RNF182: variants seen among roughly 807,000 people sequenced by gnomAD.
The protein encoded by RNF182 is E3 ubiquitin-protein ligase RNF182.
A neutral mutation model predicts 14.4 loss-of-function variants in RNF182; 15 were observed. The ratio of observed to expected loss-of-function variants is 1.04; its 90% CI spans 0.70 to 1.60. RNF182 has a LOEUF of 1.60. RNF182 is among the 40% of genes most tolerant of loss of function. The pLI, the probability that RNF182 is intolerant of heterozygous loss-of-function variation, is 0.00. For synonymous variants in RNF182, 128 were observed against 122.9 expected (o/e 1.04, Z -0.27); for missense variants, 268 against 294.8 (o/e 0.91, Z 0.67).
intron 1 of RNF182, among the ~76,000 whole-genome samples, chr6:13,928,111 C>G (rs1452439715): frequency 6.6e-6 from 1 of 152,146 alleles, no homozygotes; most frequent in Non-Finnish European, 1.5e-5. Flanking sequence ...ACGTGTGTTT[C>G]ATTTTTCATG....
At chr6:13,972,844 GA>G (rs1362499167) in intron 1 of RNF182, among the ~76,000 whole-genome samples, 1 of 152,208 alleles carries the variant, frequency 6.6e-6, no homozygotes, top group African/African-American at 2.4e-5. Flanking sequence ...GTGTGGAAGG[GA>G]AATGTGGGGT....
At chr6:13,956,111 A>G (rs1222223832) in intron 1 of RNF182, among the ~76,000 whole-genome samples, 1 of 152,158 alleles carries the variant, frequency 6.6e-6, no homozygotes, top group Admixed American at 6.5e-5. Flanking sequence ...ATTGCTGCAG[A>G]TGACAAGATT....
chr6:13,962,691 C>G (rs184343433), intron 1 of RNF182, among the ~76,000 whole-genome samples: 14 of 152,196 alleles, frequency 9.2e-5, no homozygotes, highest in Middle Eastern at 6.8e-3. Flanking sequence ...GTGTTTACAA[C>G]ATTTATTTTC....
At chr6:13,945,490 G>T (rs1055284678) in intron 1 of RNF182, among the ~76,000 whole-genome samples, 1 of 152,130 alleles carries the variant, frequency 6.6e-6, no homozygotes, top group African/African-American at 2.4e-5. Flanking sequence ...AAACACTTCT[G>T]TCTGAAGTGT....
chr6:13,952,215 A>G (rs1314813513), intron 1 of RNF182, among the ~76,000 whole-genome samples: 2 of 152,170 alleles, frequency 1.3e-5, no homozygotes, highest in African/African-American at 4.8e-5. Context: ...GCAACACTGA[A>G]TCAAAAGTCT....
In RNF182 at chr6:13,977,625, C is replaced by T. The variant is rs1760371085; in HGVS notation, c.506C>T (p.Thr169Ile). The T allele has an allele frequency of 2.5e-6, 4 of 1,614,182 alleles. No homozygotes were observed. The South Asian group carries it at 4.4e-5, about 18-fold the overall frequency. The change falls in exon 3 of 3, where the codon ACT becomes ATT. Residue 169 changes from threonine to isoleucine, a missense_variant. Physicochemically the swap from Thr to Ile is moderately conservative, Grantham distance 89 (BLOSUM62 -1). Transcript: ENST00000488300. ...DSVTTVSHNW[T>I]VWNCTSLLFQ... ...GTCACCACTGTGTCACACAACTGGA[C>T]TGTGTGGAACTGCACGTCCCTGCTG...
At chr6:13,942,562 A>C (rs1759325420) in intron 1 of RNF182, among the ~76,000 whole-genome samples, 1 of 152,088 alleles carries the variant, frequency 6.6e-6, no homozygotes. Context: ...GACTGATCTC[A>C]AACTCCTGTC....
intron 1 of RNF182, among the ~76,000 whole-genome samples, chr6:13,951,894 A>G (rs2113615349): frequency 6.6e-6 from 1 of 152,364 alleles, no homozygotes; most frequent in Non-Finnish European, 1.5e-5. Context: ...AGCAAAATAC[A>G]CATGACAAAC....
rs572964120 is a variant in RNF182, at chr6:13,949,347, C to T, written c.-367+24324C>T. 9.1e-6 allele frequency: 7 copies of T among 768,604 alleles called. No individual in the cohort carries two copies. The African/African-American group carries it at 1.2e-4, about 13-fold the overall frequency. 47.6% of individuals were successfully genotyped at this position (768,604 alleles called of 1,614,324 possible). A position where few individuals can be genotyped will look rare whatever the true frequency, so the allele number is the denominator to read the frequency against. Reference sequence around the variant, plus strand: ...TTTAATAGAGTGGCCCCCTTGCTTCCAAGTGTCCTGAAGCTGCCAGTCAGA... The same window carrying T: ...TTTAATAGAGTGGCCCCCTTGCTTCTAAGTGTCCTGAAGCTGCCAGTCAGA... On this transcript the variant is annotated intron_variant, in intron 1 of 2. Transcript: ENST00000488300.
intron 1 of RNF182, among the ~76,000 whole-genome samples, chr6:13,939,115 G>T (rs895284227): frequency 6.6e-6 from 1 of 152,116 alleles, no homozygotes; most frequent in African/African-American, 2.4e-5. Context: ...GTTTTACATT[G>T]ATGTAATCCT....
intron 1 of RNF182, among the ~76,000 whole-genome samples, chr6:13,948,806 A>T (rs186469145): frequency 6.6e-6 from 1 of 152,190 alleles, no homozygotes; most frequent in African/African-American, 2.4e-5. Flanking sequence ...TTACCCATTG[A>T]TAGAGGGAAG....
intron 1 of RNF182, chr6:13,949,782 T>TA (rs1251461422): frequency 6.1e-6 from 1 of 163,438 alleles, no homozygotes; most frequent in Non-Finnish European, 1.3e-5. Flanking sequence ...TAGGTAAACA[T>TA]ACAGTGCCAA....
intron 1 of RNF182, among the ~76,000 whole-genome samples, chr6:13,966,981 C>T (rs1324392075): frequency 6.6e-6 from 1 of 151,924 alleles, no homozygotes; most frequent in South Asian, 2.1e-4. Context: ...GGACCACAGG[C>T]GTGCACCACC....
At position 13,937,880 on chromosome 6, in the gene RNF182, T is replaced by C. The variant is rs1759175789; in HGVS notation, c.-367+12857T>C. ...ATGATATCTCATTGTAGTTTTTATT[T>C]GTACTTTCCTAATAAGTGATATTGA... is the stretch of plus-strand genomic sequence containing the variant. On this transcript the variant is annotated intron_variant, in intron 1 of 2. Coordinates refer to ENST00000488300, the MANE Select transcript of RNF182 (RefSeq NM_152737.4). Among the ~76,000 whole-genome samples the C allele has an allele frequency of 2.0e-5, 3 of 152,324 alleles. No individual in the cohort carries two copies. The South Asian group carries it at 6.2e-4, about 32-fold the overall frequency.
chr6:13,967,440 C>G (rs1163799404), intron 1 of RNF182, among the ~76,000 whole-genome samples: 1 of 152,208 alleles, frequency 6.6e-6, no homozygotes, highest in Non-Finnish European at 1.5e-5. Flanking sequence ...ATAAACCTCT[C>G]TCACTTGTTT....
At chr6:13,925,072 C>CGGGGTGGGGTGGGGTGGGGTGGGG (rs1554124172) in intron 1 of RNF182, 49 bp downstream of exon 1, 1 of 104,664 alleles carries the variant, frequency 9.6e-6, no homozygotes, top group Non-Finnish European at 2.3e-5. Context: ...GGACGCCGGG[C>CGGGGTGGGGTGGGGTGGGGTGGGG]CTCCCCAACG....
chr6:13,924,525 T>C (rs1383109677), upstream of RNF182: 2 of 152,218 alleles, frequency 1.3e-5, no homozygotes, highest in Non-Finnish European at 1.5e-5. Flanking sequence ...CTCTTTCTCC[T>C]CCCTTAAGTG....
chr6:13,945,096 A>G (rs1561779058), intron 1 of RNF182, among the ~76,000 whole-genome samples: 1 of 152,168 alleles, frequency 6.6e-6, no homozygotes, highest in African/African-American at 2.4e-5. Flanking sequence ...ACCCCAATAC[A>G]TGTGGAAAGG....
At chr6:13,968,001 A>G (rs1189265054) in intron 1 of RNF182, among the ~76,000 whole-genome samples, 2 of 152,192 alleles carry the variant, frequency 1.3e-5, no homozygotes, top group African/African-American at 4.8e-5. Context: ...GTCTTTAGCT[A>G]TTTTCAGTAT....
Sources: gnomAD v4.1 joint callset for allele counts (sites outside exome capture counted in the v4.1 genomes callset) on GRCh38, gnomAD v4.1.1 for gene constraint, MANE v1.5 for transcripts, NCBI Gene and HGNC (gene_info 2026-07-23, HGNC 2026-07-21) for gene names.